Variants in NUP93 observed in about 807,000 individuals in gnomAD.
NUP93 encodes the protein nuclear pore complex protein Nup93.
In NUP93, 55 loss-of-function variants were observed where a neutral mutation model predicts 107.8. The ratio of observed to expected loss-of-function variants is 0.51; its 90% CI spans 0.41 to 0.64. The LOEUF is 0.64. Among genes scored for constraint, NUP93 ranks in the 30% least tolerant of loss-of-function variants. The pLI is 0.00. For synonymous variants in NUP93, 390 were observed against 397.5 expected (o/e 0.98, Z 0.22); for missense variants, 937 against 1,044.7 (o/e 0.90, Z 1.42).
intron 5 of NUP93, among the ~76,000 whole-genome samples, chr16:56,808,267 G>GTTATATAACTATATAAAATATAGTTATA (rs1963207221): frequency 1.4e-4 from 1 of 7,198 alleles, no homozygotes; most frequent in Non-Finnish European, 2.1e-4. Flanking sequence ...ATATAGTTAT[G>GTTATATAACTATATAAAATATAGTTATA]TAACTATATA....
chr16:56,844,574 G>A lies in NUP93; in HGVS notation c.2425G>A (p.Ala809Thr). Residue 809 changes from alanine (A) to threonine (T), a missense_variant, in exon 22 of 22, where the codon GCG becomes ACG. Ala to Thr is a moderately conservative substitution (Grantham distance 58). Coordinates refer to ENST00000308159, the MANE Select transcript of NUP93 (RefSeq NM_014669.5). ...ATACCGAACGTCTGGGGACACCAAT[G>A]CGAGGCTGGTGCAGATGGAGGTCCT... ...IPYRTSGDTN[A>T]RLVQMEVLMN is the part of the protein sequence containing the mutation. The A allele has an allele frequency of 6.3e-7, 1 of 1,591,822 alleles. No homozygotes were observed. Among genetic ancestry groups the A allele is most frequent in the Non-Finnish European group, 8.6e-7 (1 of 1,169,394 alleles).
chr16:56,768,616 C>T (rs1311976119), intron 3 of NUP93, among the ~76,000 whole-genome samples: 1 of 151,518 alleles, frequency 6.6e-6, no homozygotes, highest in Non-Finnish European at 1.5e-5. Context: ...GCCTGTAATC[C>T]CAGCACTTTG....
chr16:56,817,094 C>G (rs1262292662), intron 5 of NUP93, among the ~76,000 whole-genome samples: 2 of 152,092 alleles, frequency 1.3e-5, no homozygotes, highest in African/African-American at 4.8e-5. Flanking sequence ...CAGCATCTAC[C>G]CAGATCAGTG....
chr16:56,736,221 C>T lies in NUP93; in HGVS notation c.-15+6010C>T, dbSNP rs369512056. ...GGCACGTGCCTGTAATCCCAGCTACCCAGGAGACTGAGTCAGCAGGAGAAT... is the reference window on the plus strand; with the variant it reads ...GGCACGTGCCTGTAATCCCAGCTACTCAGGAGACTGAGTCAGCAGGAGAAT... On this transcript the variant is annotated intron_variant, in intron 1 of 21. Transcript: ENST00000308159. 8.6e-5 allele frequency among the ~76,000 whole-genome samples: 13 copies of T among 152,032 alleles called. No individual in the cohort carries two copies. The East Asian group carries it at 1.2e-3, about 14-fold the overall frequency.
intron 5 of NUP93, among the ~76,000 whole-genome samples, chr16:56,813,753 A>G (rs756196060): frequency 9.2e-5 from 14 of 152,154 alleles, no homozygotes; most frequent in Non-Finnish European, 1.9e-4. Context: ...TAGTTCCTAT[A>G]ATTTTGCATT....
intron 3 of NUP93, among the ~76,000 whole-genome samples, chr16:56,775,201 C>T (rs1041931868): frequency 3.9e-5 from 6 of 152,060 alleles, no homozygotes; most frequent in Admixed American, 2.0e-4. Flanking sequence ...GCGCCCAGCC[C>T]GAATTAAGTT....
At chr16:56,833,110 C>G (rs1375827597) in intron 12 of NUP93, 105 bp from the exon 13 acceptor site, 2 of 927,284 alleles carry the variant, frequency 2.2e-6, no homozygotes, top group African/African-American at 3.4e-5. Context: ...TTCTTCCTGT[C>G]CAGCAAGTCC....
At chr16:56,731,815 C>T (rs1961539870) in intron 1 of NUP93, among the ~76,000 whole-genome samples, 1 of 152,122 alleles carries the variant, frequency 6.6e-6, no homozygotes, top group African/African-American at 2.4e-5. Flanking sequence ...TGCTTCTGTC[C>T]TGGCCCCTGT....
chr16:56,763,483 TGTGTGTGTGTGTGTGGGTGG>T (rs1345092890), intron 3 of NUP93, among the ~76,000 whole-genome samples: 107 of 149,878 alleles, frequency 7.1e-4, no homozygotes, highest in African/African-American at 2.4e-3. Flanking sequence ...AGGAACTGCT[TGTGTGTGTGTGTGTGGGTGG>T]GTGTGTGTGT....
chr16:56,848,534 C>G lies in NUP93; in HGVS notation c.*3925C>G, dbSNP rs1403504460. 2 of 152,232 alleles carry G rather than the reference C, an allele frequency of 1.3e-5. No homozygotes were observed. Among genetic ancestry groups the G allele is most frequent in the African/African-American group, 4.8e-5 (2 of 41,444 alleles). 9.4% of individuals were successfully genotyped at this position (152,232 alleles called of 1,614,324 possible). A position where few individuals can be genotyped will look rare whatever the true frequency, so the allele number is the denominator to read the frequency against. ...AATCCACAAGTCTTCCCATCTTCCA[C>G]CATCTTCTGACAGTTCCATAATATA... is the stretch of plus-strand genomic sequence containing the variant. On this transcript the variant is annotated 3_prime_UTR_variant, in exon 22 of 22. Transcript: ENST00000308159.
At chr16:56,794,728 A>G (rs1190632113) in intron 3 of NUP93, among the ~76,000 whole-genome samples, 1 of 151,922 alleles carries the variant, frequency 6.6e-6, no homozygotes, top group African/African-American at 2.4e-5. Context: ...GGAGATCGAG[A>G]CCATCCTGGC....
chr16:56,800,488 A>G (rs1962997549), intron 4 of NUP93, among the ~76,000 whole-genome samples: 1 of 152,198 alleles, frequency 6.6e-6, no homozygotes, highest in Admixed American at 6.5e-5. Context: ...CAGCCAGCCA[A>G]AACATTTAGG....
intron 5 of NUP93, among the ~76,000 whole-genome samples, chr16:56,811,616 A>G (rs1235549925): frequency 2.0e-5 from 3 of 151,894 alleles, no homozygotes; most frequent in Admixed American, 6.6e-5. Context: ...GATTACAGGC[A>G]TGTGCCACCA....
chr16:56,819,685 G>T (rs1963504891), intron 6 of NUP93, among the ~76,000 whole-genome samples: 1 of 152,236 alleles, frequency 6.6e-6, no homozygotes, highest in African/African-American at 2.4e-5. Flanking sequence ...TAACCAAGGG[G>T]TCTGTCTTCA....
intron 20 of NUP93, chr16:56,839,866 T>C (rs1468429212): frequency 2.2e-6 from 1 of 446,322 alleles, no homozygotes; most frequent in Non-Finnish European, 4.1e-6. Context: ...AACAGGTTTC[T>C]GGTTGATCTG....
intron 4 of NUP93, among the ~76,000 whole-genome samples, chr16:56,804,577 G>C (rs1384843234): frequency 6.6e-6 from 1 of 152,020 alleles, no homozygotes. Context: ...GCACAATAAT[G>C]AGAATGTACT....
At chr16:56,800,890 C>G (rs1274076203) in intron 4 of NUP93, among the ~76,000 whole-genome samples, 1 of 152,230 alleles carries the variant, frequency 6.6e-6, no homozygotes, top group Non-Finnish European at 1.5e-5. Flanking sequence ...AAATGGGGTT[C>G]AAATGCTCCC....
chr16:56,782,009 G>T, intron 3 of NUP93: 3 of 985,402 alleles, frequency 3.0e-6, no homozygotes, highest in Non-Finnish European at 3.6e-6. Context: ...TTGCAGAGGG[G>T]TTGTTCTTTT....
chr16:56,805,584 A>C lies in NUP93; in HGVS notation c.441A>C (p.Thr147=). 1 of 1,614,088 alleles carries C rather than the reference A, an allele frequency of 6.2e-7. No homozygotes were observed. The highest frequency in any genetic ancestry group is 2.2e-5 in the East Asian group (1 of 44,878). Residue 147 remains threonine (T), a synonymous_variant, in exon 5 of 22, where the codon ACA becomes ACC. Transcript: ENST00000308159. ...WEQVKQRILH[T]LLASGEDALD... ...AAGTGAAACAGCGAATTCTGCACAC[A>C]CTGCTGGCATCAGGAGAAGACGCCC...
Sources: gnomAD v4.1 joint callset for allele counts (sites outside exome capture counted in the v4.1 genomes callset) on GRCh38, gnomAD v4.1.1 for gene constraint, MANE v1.5 for transcripts, NCBI Gene and HGNC (gene_info 2026-07-23, HGNC 2026-07-21) for gene names.